Variants in TCAIM observed in about 807,000 individuals in gnomAD.
TCAIM encodes the protein T-cell activation inhibitor, mitochondrial.
TCAIM carries 36 observed loss-of-function variants against 58.6 expected under a neutral mutation model. The observed-to-expected ratio is 0.61, with a 90% CI of 0.47 to 0.81. The LOEUF (loss-of-function observed/expected upper bound fraction) is 0.81. Ranked by LOEUF, TCAIM falls within the 30% of genes least tolerant of loss-of-function variation. The probability of loss-of-function intolerance (pLI) is 0.00; values close to 1 mark genes in which losing one functional copy is unlikely to be tolerated. For missense variants in TCAIM, 466 were observed against 579.6 expected (o/e 0.80, Z 2.01); for synonymous variants, 172 against 193.6 (o/e 0.89, Z 0.93).
Position 44,350,495 on chromosome 3 carries a change from C to T in TCAIM, c.-44-4244C>T, listed in dbSNP as rs377526660. Among the ~76,000 whole-genome samples, 10 of 151,608 alleles carry T rather than the reference C, an allele frequency of 6.6e-5. No individual in the cohort carries two copies. The East Asian group carries it at 7.8e-4, about 12-fold the overall frequency. ...TCTCCCAGGCTGGAGTACAGCAGCACGATTGCAGCTCACTGTAGTCTGCAC... is the reference window on the plus strand; with the variant it reads ...TCTCCCAGGCTGGAGTACAGCAGCATGATTGCAGCTCACTGTAGTCTGCAC... On this transcript the variant is annotated intron_variant, in intron 1 of 10. Coordinates refer to ENST00000342649, the MANE Select transcript of TCAIM (RefSeq NM_173826.4).
chr3:44,387,103 G>A (rs1266041772), intron 5 of TCAIM, among the ~76,000 whole-genome samples: 2 of 152,156 alleles, frequency 1.3e-5, no homozygotes, highest in African/African-American at 4.8e-5. Context: ...GGGACTACCA[G>A]CTGCGGGAAG....
At chr3:44,398,677 T>C (rs1701977267) in intron 8 of TCAIM, among the ~76,000 whole-genome samples, 1 of 152,198 alleles carries the variant, frequency 6.6e-6, no homozygotes, top group Admixed American at 6.5e-5. Context: ...GACCCAGCAG[T>C]CACCCTTGGG....
At position 44,361,416 on chromosome 3, in the gene TCAIM, C is replaced by G. The variant is rs759279046; in HGVS notation, c.217C>G (p.Gln73Glu). The change falls in exon 4 of 11, where the codon CAG (glutamine) becomes GAG (glutamate). Residue 73 changes from glutamine (Q) to glutamate (E), a missense_variant. Physicochemically the swap from Gln to Glu is conservative, Grantham distance 29. Transcript: ENST00000342649. The stretch of plus-strand genomic sequence containing the variant: ...GTTAAGTGTCTACCTAGAAAACCTC[C>G]AGAAACCAGGCTTCAAGTCTTTGAA... The part of the protein sequence containing the change: ...KRLSVYLENL[Q>E]KPGFKSLKPT... The G allele has an allele frequency of 2.5e-6, 4 of 1,612,810 alleles. No homozygotes were observed. The East Asian group carries it at 8.9e-5, about 36-fold the overall frequency.
In TCAIM at chr3:44,396,505, T is replaced by G. The variant is rs776065080; in HGVS notation, c.793+8T>G. 5.6e-6 allele frequency: 9 copies of G among 1,608,064 alleles called. No homozygotes were observed. In the East Asian group the frequency reaches 6.7e-5, roughly 12 times the overall value. ...CACTTAAAAAAGCAAAAGGTAAACA[T>G]TTTCCATTTTCTTTTAAAAAATCAC... On this transcript the variant is annotated splice_region_variant and intron_variant, in intron 7 of 10. Transcript: ENST00000342649.
intron 1 of TCAIM, chr3:44,340,006 T>C (rs1700824010): frequency 1.3e-5 from 2 of 152,230 alleles, no homozygotes. Context: ...AGTTATTTTA[T>C]AGCATTTTCC....
chr3:44,358,067 T>G, intron 3 of TCAIM, 191 bp downstream of exon 3: 1 of 1,353,652 alleles, frequency 7.4e-7, no homozygotes, highest in Non-Finnish European at 9.7e-7. Flanking sequence ...TGTCATTGTT[T>G]TGTGCAGGCA....
intron 5 of TCAIM, 86 bp downstream of exon 5, chr3:44,367,794 T>G: frequency 7.5e-7 from 1 of 1,336,498 alleles, no homozygotes; most frequent in Non-Finnish European, 9.9e-7. Flanking sequence ...AACATTTTTT[T>G]ATAAATAAAA....
intron 10 of TCAIM, among the ~76,000 whole-genome samples, chr3:44,402,315 T>G (rs1461992990): frequency 6.6e-6 from 1 of 151,244 alleles, no homozygotes; most frequent in Non-Finnish European, 1.5e-5. Context: ...GAGGCTGAGG[T>G]GGGAGGATTG....
rs529179513 is a variant in TCAIM at position 44,364,148 on chromosome 3, C to T, written c.319+2630C>T. 5.2e-4 allele frequency among the ~76,000 whole-genome samples: 79 copies of T among 150,934 alleles called. 2 individuals carry two copies. Among genetic ancestry groups the T allele is most frequent in the Non-Finnish European group, 1.1e-3 (76 of 67,734 alleles). ...TTCACCATGTTGGCCATGATGGTCT[C>T]GATCTCTTAACCCCGTGATCCGCCC... On this transcript the variant is annotated intron_variant, in intron 4 of 10. Coordinates refer to ENST00000342649, the MANE Select transcript of TCAIM (RefSeq NM_173826.4).
intron 5 of TCAIM, among the ~76,000 whole-genome samples, chr3:44,371,132 G>A (rs1428383379): frequency 2.0e-5 from 3 of 151,596 alleles, no homozygotes; most frequent in Non-Finnish European, 2.9e-5. Context: ...GACTGGTCTC[G>A]AACTCTTGAC....
chr3:44,338,706 G>C (rs757396723), upstream of TCAIM: 2 of 152,364 alleles, frequency 1.3e-5, no homozygotes, highest in African/African-American at 4.8e-5. Context: ...TGGTTGGCCA[G>C]CTGACGCCCC....
Position 44,383,809 on chromosome 3 carries a change from CAAAAAAAAA to C in TCAIM, c.573-9029_573-9021del, listed in dbSNP as rs71089100. ...GCAACATGGCAAGACCCTGTCTCTA[CAAAAAAAAA>C]AAAAAAAAAAAAAAAATTTAAATTA... On this transcript the variant is annotated intron_variant, in intron 5 of 10. Coordinates refer to ENST00000342649, the MANE Select transcript of TCAIM (RefSeq NM_173826.4). 6.4e-3 allele frequency among the ~76,000 whole-genome samples: 607 copies of C among 95,422 alleles called. 7 individuals are homozygous for C. Among genetic ancestry groups the C allele is most frequent in the African/African-American group, 0.022 (513 of 23,510 alleles). 62.6% of individuals were successfully genotyped at this position (95,422 alleles called of 152,430 possible).
intron 1 of TCAIM, among the ~76,000 whole-genome samples, chr3:44,351,748 G>T (rs1401481121): frequency 1.3e-5 from 2 of 152,036 alleles, no homozygotes; most frequent in Non-Finnish European, 2.9e-5. Context: ...TCCCACCTCA[G>T]CCTCCCAAAG....
rs115023894 is a variant in TCAIM at position 44,380,487 on chromosome 3, T to C, written c.573-12368T>C. 4.4e-3 allele frequency among the ~76,000 whole-genome samples: 673 copies of C among 152,052 alleles called. 3 individuals carry two copies. Among genetic ancestry groups the C allele is most frequent in the African/African-American group, 0.015 (627 of 41,478 alleles). ...CCAAAATTTATGGGACCCAGCAAATTCAGTGAAGCAATGCTAAGGGGGAAA... is the reference window on the plus strand; with the variant it reads ...CCAAAATTTATGGGACCCAGCAAATCCAGTGAAGCAATGCTAAGGGGGAAA... On this transcript the variant is annotated intron_variant, in intron 5 of 10. Coordinates refer to ENST00000342649, the MANE Select transcript of TCAIM (RefSeq NM_173826.4).
intron 5 of TCAIM, among the ~76,000 whole-genome samples, chr3:44,368,778 T>C (rs540643812): frequency 6.6e-6 from 1 of 152,160 alleles, no homozygotes; most frequent in Non-Finnish European, 1.5e-5. Context: ...ATCCCAGCAT[T>C]TGGGGAGGCC....
chr3:44,355,174 A>G (rs1437767921), intron 2 of TCAIM, among the ~76,000 whole-genome samples: 5 of 152,218 alleles, frequency 3.3e-5, no homozygotes, highest in Non-Finnish European at 7.3e-5. Context: ...ACAAAAGGGA[A>G]GGTTCTGGGG....
At chr3:44,342,388 C>T (rs185470467) in intron 1 of TCAIM, among the ~76,000 whole-genome samples, 39 of 152,260 alleles carry the variant, frequency 2.6e-4, no homozygotes, top group Admixed American at 2.2e-3. Flanking sequence ...AAAAAGCACA[C>T]ACCACTCAAA....
chr3:44,387,418 G>C (rs937404981), intron 5 of TCAIM, among the ~76,000 whole-genome samples: 9 of 152,172 alleles, frequency 5.9e-5, no homozygotes, highest in African/African-American at 2.2e-4. Flanking sequence ...CTAGGTCTGG[G>C]CTCCCCAAAC....
intron 5 of TCAIM, among the ~76,000 whole-genome samples, chr3:44,372,544 T>A (rs1701495161): frequency 6.6e-6 from 1 of 152,172 alleles, no homozygotes; most frequent in Non-Finnish European, 1.5e-5. Context: ...TATATCAATC[T>A]GATCTCTTGA....
Sources: gnomAD v4.1 joint callset for allele counts (sites outside exome capture counted in the v4.1 genomes callset) on GRCh38, gnomAD v4.1.1 for gene constraint, MANE v1.5 for transcripts, NCBI Gene and HGNC (gene_info 2026-07-23, HGNC 2026-07-21) for gene names.